Variants in C8orf34 observed in about 807,000 individuals in gnomAD.
C8orf34 encodes the protein chromosome 8 open reading frame 34.
In C8orf34, 65 loss-of-function variants were observed where a neutral mutation model predicts 68.3. The observed-to-expected ratio is 0.95, with a 90% CI of 0.78 to 1.17. The LOEUF is 1.17. C8orf34 is among the 50% of genes most tolerant of loss of function. The pLI, the probability that C8orf34 is intolerant of heterozygous loss-of-function variation, is 0.00. For synonymous variants in C8orf34, 244 were observed against 241.2 expected, an observed-to-expected ratio of 1.01 and a Z score of -0.11; for missense variants, 664 against 655.4, an observed-to-expected ratio of 1.01 and a Z score of -0.14.
chr8:68,597,508 T>C (rs1329099631), intron 7 of C8orf34, among the ~76,000 whole-genome samples: 1 of 152,088 alleles, frequency 6.6e-6, no homozygotes, highest in Admixed American at 6.6e-5. Flanking sequence ...AAACAAATCC[T>C]AGAAAATTAG....
At chr8:68,687,841 G>A (rs546096204) in intron 8 of C8orf34, among the ~76,000 whole-genome samples, 85 of 152,098 alleles carry the variant, frequency 5.6e-4, no homozygotes, top group African/African-American at 1.9e-3. Context: ...ACAGAATAGA[G>A]AAAATATTCA....
intron 10 of C8orf34, among the ~76,000 whole-genome samples, chr8:68,763,201 G>A (rs756875548): frequency 6.6e-6 from 1 of 152,202 alleles, no homozygotes; most frequent in Admixed American, 6.5e-5. Context: ...GGCTGAAGGG[G>A]TTTAGACAAT....
chr8:68,678,245 C>G (rs939587844), intron 8 of C8orf34, among the ~76,000 whole-genome samples: 4 of 152,122 alleles, frequency 2.6e-5, no homozygotes, highest in Non-Finnish European at 5.9e-5. Flanking sequence ...CCAAATCAGA[C>G]AAAGACACAT....
At chr8:68,543,532 A>G (rs1221056339) in intron 7 of C8orf34, among the ~76,000 whole-genome samples, 5 of 152,152 alleles carry the variant, frequency 3.3e-5, no homozygotes, top group Non-Finnish European at 7.4e-5. Context: ...ATATTACTTA[A>G]CAATCACAAA....
chr8:68,389,314 A>G lies in C8orf34; in HGVS notation c.328-50185A>G, dbSNP rs143350776. 3.7e-3 allele frequency among the ~76,000 whole-genome samples: 565 copies of G among 152,222 alleles called. 5 individuals are homozygous for G. The highest frequency in any genetic ancestry group is 0.013 in the African/African-American group (539 of 41,566). On this transcript the variant is annotated intron_variant, in intron 1 of 13. Transcript: ENST00000518698. The stretch of plus-strand genomic sequence containing the variant: ...CAGGCTCTTACTTTCCACATCTGTG[A>G]TGTGGTGATGAGAATAATACTTGCA...
At chr8:68,375,326 A>G (rs566241979) in intron 1 of C8orf34, among the ~76,000 whole-genome samples, 3 of 152,348 alleles carry the variant, frequency 2.0e-5, no homozygotes, top group Non-Finnish European at 4.4e-5. Context: ...GCATGCATAA[A>G]TCTATTAATA....
chr8:68,439,289 T>C, intron 1 of C8orf34: 1 of 424,354 alleles, frequency 2.4e-6, no homozygotes. Context: ...ATTAGCTGTG[T>C]AATATAGACA....
At chr8:68,568,989 C>T (rs1402467543) in intron 7 of C8orf34, among the ~76,000 whole-genome samples, 1 of 152,204 alleles carries the variant, frequency 6.6e-6, no homozygotes, top group African/African-American at 2.4e-5. Flanking sequence ...CAAAAACAGA[C>T]ATTGGATCAA....
chr8:68,474,150 C>T (rs754385974), intron 4 of C8orf34, among the ~76,000 whole-genome samples: 53 of 152,186 alleles, frequency 3.5e-4, no homozygotes, highest in Non-Finnish European at 4.8e-4. Context: ...GTATTTCCAT[C>T]CACACCTTTT....
intron 12 of C8orf34, among the ~76,000 whole-genome samples, chr8:68,806,438 T>G (rs972136362): frequency 1.1e-4 from 16 of 152,208 alleles, no homozygotes; most frequent in African/African-American, 3.9e-4. Flanking sequence ...AAGAAAGTTT[T>G]TTTTCTTTCA....
chr8:68,653,861 T>G (rs1819435045), intron 8 of C8orf34, among the ~76,000 whole-genome samples: 1 of 152,168 alleles, frequency 6.6e-6, no homozygotes, highest in African/African-American at 2.4e-5. Flanking sequence ...TAATTTTCTC[T>G]TGGTGCATAT....
At chr8:68,533,561 G>A in intron 7 of C8orf34, 1 of 986,052 alleles carries the variant, frequency 1.0e-6, no homozygotes, top group South Asian at 4.7e-5. Context: ...TTTTGAGGAT[G>A]CTTTAGAAAA....
chr8:68,382,930 C>T (rs549853397), intron 1 of C8orf34, among the ~76,000 whole-genome samples: 2 of 152,292 alleles, frequency 1.3e-5, no homozygotes, highest in South Asian at 2.1e-4. Flanking sequence ...ATGCCAGTTT[C>T]ATCCTCCTGG....
At chr8:68,330,522 C>A (rs1805520251), upstream of C8orf34, among the ~76,000 whole-genome samples, 1 of 152,168 alleles carries the variant, frequency 6.6e-6, no homozygotes, top group South Asian at 2.1e-4. Flanking sequence ...CCTTCTCAAC[C>A]CCTGCGCTAG....
intron 10 of C8orf34, among the ~76,000 whole-genome samples, chr8:68,745,206 G>A (rs1341015872): frequency 6.6e-6 from 1 of 151,840 alleles, no homozygotes; most frequent in Non-Finnish European, 1.5e-5. Flanking sequence ...TCACCACCAG[G>A]CCTGCCCTAC....
rs78211241 is a variant in C8orf34 at position 68,629,754 on chromosome 8, G to A, written c.1106-10622G>A. On this transcript the variant is annotated intron_variant, in intron 7 of 13. Coordinates refer to ENST00000518698, the MANE Select transcript of C8orf34 (RefSeq NM_052958.4). Reference sequence around the variant, plus strand: ...AAGATATTTTAAAATAAATGTAATAGGTGTGTGTGTGTATATGTGTCTGTA... The same window carrying A: ...AAGATATTTTAAAATAAATGTAATAAGTGTGTGTGTGTATATGTGTCTGTA... 2.3e-3 allele frequency among the ~76,000 whole-genome samples: 347 copies of A among 151,798 alleles called. 2 individuals are homozygous for A. Among genetic ancestry groups the A allele is most frequent in the African/African-American group, 7.8e-3 (325 of 41,462 alleles).
At chr8:68,494,598 G>A (rs1408659272) in intron 5 of C8orf34, among the ~76,000 whole-genome samples, 2 of 152,160 alleles carry the variant, frequency 1.3e-5, no homozygotes, top group Non-Finnish European at 2.9e-5. Flanking sequence ...GCTCACGCCT[G>A]TAATCCCAGC....
intron 1 of C8orf34, among the ~76,000 whole-genome samples, chr8:68,375,180 A>G (rs1807739701): frequency 6.6e-6 from 1 of 152,192 alleles, no homozygotes; most frequent in Non-Finnish European, 1.5e-5. Context: ...ATAAAGTGAC[A>G]TAGAAAGTTG....
intron 12 of C8orf34, among the ~76,000 whole-genome samples, chr8:68,789,302 C>T (rs1823927602): frequency 2.0e-5 from 3 of 152,184 alleles, no homozygotes; most frequent in African/African-American, 7.2e-5. Context: ...TAAACAACAT[C>T]CTTATAGAAT....
Sources: gnomAD v4.1 joint callset for allele counts (sites outside exome capture counted in the v4.1 genomes callset) on GRCh38, gnomAD v4.1.1 for gene constraint, MANE v1.5 for transcripts, NCBI Gene and HGNC (gene_info 2026-07-23, HGNC 2026-07-21) for gene names.